Variants in ARID2 observed in about 807,000 individuals in gnomAD.
The protein encoded by ARID2 is AT-rich interactive domain-containing protein 2.
ARID2 carries 32 observed loss-of-function variants against 184.6 expected under a neutral mutation model. The ratio of observed to expected loss-of-function variants is 0.17; its 90% CI spans 0.13 to 0.23. The LOEUF is 0.23. ARID2 is among the 10% of genes least tolerant of loss of function. ARID2 has a pLI of 1.00. For missense variants in ARID2, 1,696 were observed against 2,197.6 expected, an observed-to-expected ratio of 0.77 and a Z score of 4.56; for synonymous variants, 836 against 772.6, an observed-to-expected ratio of 1.08 and a Z score of -1.36.
chr12:45,858,115 C>T (rs142959887), intron 15 of ARID2, among the ~76,000 whole-genome samples: 1 of 152,184 alleles, frequency 6.6e-6, no homozygotes, highest in African/African-American at 2.4e-5. Flanking sequence ...TTGTTCCTTA[C>T]AAGGTTTTGA....
intron 3 of ARID2, among the ~76,000 whole-genome samples, chr12:45,741,997 C>G (rs533997442): frequency 6.6e-6 from 1 of 152,226 alleles, no homozygotes; most frequent in Non-Finnish European, 1.5e-5. Context: ...CCGTGTATCT[C>G]CCTTAACCTT....
chr12:45,794,402 A>G (rs1447935667), intron 3 of ARID2, among the ~76,000 whole-genome samples: 1 of 152,258 alleles, frequency 6.6e-6, no homozygotes, highest in Non-Finnish European at 1.5e-5. Context: ...TAAATGACCT[A>G]CATTGGAACC....
At chr12:45,840,621 CA>C (rs1170751578) in intron 11 of ARID2, 1 of 152,166 alleles carries the variant, frequency 6.6e-6, no homozygotes, top group Non-Finnish European at 1.5e-5. Flanking sequence ...TTAGCCATCA[CA>C]TCCATTCATC....
At chr12:45,826,670 C>T (rs929110245) in intron 6 of ARID2, among the ~76,000 whole-genome samples, 15 of 151,960 alleles carry the variant, frequency 9.9e-5, no homozygotes, top group African/African-American at 2.2e-4. Context: ...CCTCCTGCCT[C>T]GGCCTCCCAG....
chr12:45,898,786 G>T (rs573753759), intron 20 of ARID2, among the ~76,000 whole-genome samples: 1 of 151,934 alleles, frequency 6.6e-6, no homozygotes, highest in African/African-American at 2.4e-5. Flanking sequence ...GCATGGTGGC[G>T]CATGCCTGTA....
Position 45,811,401 on chromosome 12 carries a change from C to G in ARID2, c.285-17C>G, listed in dbSNP as rs1462587235. The G allele has an allele frequency of 6.2e-7, 1 of 1,602,534 alleles. No homozygotes were observed. Among genetic ancestry groups the G allele is most frequent in the Admixed American group, 1.7e-5 (1 of 58,894 alleles). On this transcript the variant is annotated splice_polypyrimidine_tract_variant and intron_variant, in intron 3 of 20. Coordinates refer to ENST00000334344, the MANE Select transcript of ARID2 (RefSeq NM_152641.4). ...AATCTATTTTTAAATGTTTGCTGTG[C>G]TGTTTTTCTGTTTCAGTTACCTAGA...
intron 4 of ARID2, among the ~76,000 whole-genome samples, chr12:45,813,650 A>G (rs1592092947): frequency 6.6e-6 from 1 of 152,150 alleles, no homozygotes; most frequent in East Asian, 1.9e-4. Flanking sequence ...AAGCTGTTCT[A>G]AAATATTTTG....
chr12:45,864,656 G>A (rs1170607710), intron 16 of ARID2, among the ~76,000 whole-genome samples: 3 of 152,038 alleles, frequency 2.0e-5, no homozygotes, highest in Admixed American at 2.0e-4. Flanking sequence ...TCAAGTTCTG[G>A]TTTCACTATA....
At chr12:45,894,242 A>G (rs1242934744) in intron 20 of ARID2, among the ~76,000 whole-genome samples, 1 of 152,256 alleles carries the variant, frequency 6.6e-6, no homozygotes, top group Non-Finnish European at 1.5e-5. Context: ...TTAATTCGTG[A>G]GAGAGCAAAT....
chr12:45,791,028 T>C (rs1232327156), intron 3 of ARID2, among the ~76,000 whole-genome samples: 1 of 152,224 alleles, frequency 6.6e-6, no homozygotes, highest in Non-Finnish European at 1.5e-5. Context: ...GAGTCCTTGC[T>C]TTCCATTTAT....
At position 45,808,986 on chromosome 12, in the gene ARID2, G is replaced by A. The variant is rs557467649; in HGVS notation, c.285-2432G>A. Among the ~76,000 whole-genome samples the A allele has an allele frequency of 6.6e-5, 10 of 152,172 alleles. No homozygotes were observed. In the South Asian group the frequency reaches 1.9e-3, roughly 28 times the overall value. ...TTGCTGTGTTGGCCATGCTGGCCTCGAACTCTTGGCCTCAAGAGATACTCC... is the reference window on the plus strand; with the variant it reads ...TTGCTGTGTTGGCCATGCTGGCCTCAAACTCTTGGCCTCAAGAGATACTCC... On this transcript the variant is annotated intron_variant, in intron 3 of 20. Transcript: ENST00000334344.
chr12:45,884,125 G>A lies in ARID2; in HGVS notation c.4923-7655G>A, dbSNP rs192591227. Among the ~76,000 whole-genome samples the A allele has an allele frequency of 2.9e-3, 438 of 152,100 alleles. 2 individuals are homozygous for A. The highest frequency in any genetic ancestry group is 5.1e-3 in the Non-Finnish European group (346 of 67,990). On this transcript the variant is annotated intron_variant, in intron 16 of 20. Transcript: ENST00000334344. Reference sequence around the variant, plus strand: ...AAGAATAACATTGTTGACCAGACACGGTGGCTCATGCCTGTAATCCCAGCA... The same window carrying A: ...AAGAATAACATTGTTGACCAGACACAGTGGCTCATGCCTGTAATCCCAGCA...
chr12:45,904,046 C>CT (rs984320977), intron 20 of ARID2, among the ~76,000 whole-genome samples: 15 of 151,792 alleles, frequency 9.9e-5, no homozygotes, highest in Middle Eastern at 3.4e-3. Flanking sequence ...CCCAGCATCC[C>CT]TTTTTTTTAG....
intron 3 of ARID2, among the ~76,000 whole-genome samples, chr12:45,762,220 C>T (rs1262822527): frequency 1.3e-5 from 2 of 151,916 alleles, no homozygotes; most frequent in Admixed American, 1.3e-4. Flanking sequence ...TTAATTTTTC[C>T]CATTTGCTAA....
chr12:45,897,473 A>C (rs2136466094), intron 20 of ARID2, among the ~76,000 whole-genome samples: 1 of 152,336 alleles, frequency 6.6e-6, no homozygotes, highest in African/African-American at 2.4e-5. Context: ...TAGACAAAAT[A>C]ATTGCAAGTC....
At chr12:45,847,364 AC>A (rs1307142627) in intron 12 of ARID2, among the ~76,000 whole-genome samples, 4 of 152,084 alleles carry the variant, frequency 2.6e-5, no homozygotes, top group Non-Finnish European at 5.9e-5. Context: ...TCCATCTAAA[AC>A]AAAACTTCTT....
intron 16 of ARID2, among the ~76,000 whole-genome samples, chr12:45,879,361 C>G (rs1490536959): frequency 6.6e-6 from 1 of 152,146 alleles, no homozygotes; most frequent in African/African-American, 2.4e-5. Flanking sequence ...TTACTCACCC[C>G]CTTCCATTCC....
chr12:45,734,323 C>A (rs1321101064), intron 3 of ARID2, among the ~76,000 whole-genome samples: 1 of 152,068 alleles, frequency 6.6e-6, no homozygotes, highest in African/African-American at 2.4e-5. Context: ...GAGCGGAGAT[C>A]GTGCTACTGC....
chr12:45,730,255 T>G (rs1373594101), intron 2 of ARID2, 118 bp downstream of exon 2: 2 of 905,552 alleles, frequency 2.2e-6, no homozygotes, highest in African/African-American at 1.7e-5. Flanking sequence ...AAAGGCGTTC[T>G]TTTCGCTCCC....
Sources: allele counts gnomAD v4.1 joint callset (sites outside exome capture counted in the v4.1 genomes callset), GRCh38; gene constraint gnomAD v4.1.1; transcripts MANE v1.5; gene names NCBI Gene and HGNC (gene_info 2026-07-23, HGNC 2026-07-21).